Variants in CACNB4 observed in about 807,000 individuals in gnomAD.
CACNB4 encodes the protein voltage-dependent L-type calcium channel subunit beta-4.
In CACNB4, 32 loss-of-function variants were observed where a neutral mutation model predicts 71.2. That is an observed-to-expected ratio of 0.45 (90% confidence interval 0.34 to 0.60). The LOEUF (loss-of-function observed/expected upper bound fraction) is 0.60. Among genes scored for constraint, CACNB4 ranks in the 20% least tolerant of loss-of-function variants. CACNB4 has a pLI of 0.01. For synonymous variants in CACNB4, 231 were observed against 236.9 expected (o/e 0.97, Z 0.23); for missense variants, 464 against 647.9 (o/e 0.72, Z 3.08).
intron 3 of CACNB4, among the ~76,000 whole-genome samples, chr2:151,882,154 C>CA (rs771535290): frequency 1.7e-3 from 159 of 93,362 alleles, no homozygotes; most frequent in Non-Finnish European, 3.8e-3. Flanking sequence ...GCTGGGATTA[C>CA]AGGCGTAAGC....
chr2:152,061,558 A>G (rs930237393), intron 2 of CACNB4, among the ~76,000 whole-genome samples: 4 of 152,092 alleles, frequency 2.6e-5, no homozygotes, highest in Non-Finnish European at 5.9e-5. Context: ...TCAATTTCAT[A>G]GATCTTAAAT....
chr2:152,085,068 T>C (rs151182021), intron 2 of CACNB4, among the ~76,000 whole-genome samples: 38 of 152,272 alleles, frequency 2.5e-4, no homozygotes, highest in African/African-American at 8.7e-4. Flanking sequence ...ACAGAGAATA[T>C]TGAAGACGGA....
chr2:151,971,216 G>C, intron 2 of CACNB4: 1 of 429,492 alleles, frequency 2.3e-6, no homozygotes, highest in Non-Finnish European at 4.3e-6. Context: ...TGCTAACAGT[G>C]TATAATAATG....
intron 2 of CACNB4, among the ~76,000 whole-genome samples, chr2:152,082,641 C>T (rs937172497): frequency 1.3e-5 from 2 of 152,264 alleles, no homozygotes; most frequent in East Asian, 1.9e-4. Flanking sequence ...CCATTCTCAC[C>T]CCCGTTTTGC....
intron 2 of CACNB4, among the ~76,000 whole-genome samples, chr2:151,978,540 C>G (rs766477669): frequency 5.9e-5 from 9 of 152,212 alleles, no homozygotes; most frequent in Non-Finnish European, 4.4e-5. Flanking sequence ...ACTCTACCTT[C>G]CTGTGCCTCC....
intron 2 of CACNB4, among the ~76,000 whole-genome samples, chr2:151,958,459 G>C (rs1319800598): frequency 6.6e-6 from 1 of 152,066 alleles, no homozygotes; most frequent in Non-Finnish European, 1.5e-5. Flanking sequence ...CCTTCAATCC[G>C]GGACCTGGCT....
intron 2 of CACNB4, among the ~76,000 whole-genome samples, chr2:151,980,875 T>C (rs2099874603): frequency 6.6e-6 from 1 of 152,248 alleles, no homozygotes. Context: ...ACATCATTTA[T>C]AGTGCGTTGA....
intron 2 of CACNB4, among the ~76,000 whole-genome samples, chr2:151,912,280 T>C (rs916163381): frequency 6.6e-6 from 1 of 152,226 alleles, no homozygotes; most frequent in African/African-American, 2.4e-5. Context: ...GTGAGATCTT[T>C]CTAGCTTTCT....
In CACNB4 at chr2:151,915,849, A is replaced by C. The variant is rs1192235659; in HGVS notation, c.148-32479T>G. On this transcript the variant is annotated intron_variant, in intron 2 of 13. Coordinates refer to ENST00000539935, the MANE Select transcript of CACNB4 (RefSeq NM_000726.5). ...GCAACAAGAGCGAAGCTCCATCTCAAAAAAAAAAAAAAAAAAAAAAGAATG... is the reference window on the plus strand; with the variant it reads ...GCAACAAGAGCGAAGCTCCATCTCACAAAAAAAAAAAAAAAAAAAAGAATG... Among the ~76,000 whole-genome samples, 32 of 6,236 alleles carry C rather than the reference A, an allele frequency of 5.1e-3. No individual in the cohort carries two copies. The Non-Finnish European group carries it at 0.052, about 10-fold the overall frequency. 4.1% of individuals were successfully genotyped at this position (6,236 alleles called of 152,430 possible).
At chr2:152,055,203 G>T (rs920006884) in intron 2 of CACNB4, among the ~76,000 whole-genome samples, 2 of 152,156 alleles carry the variant, frequency 1.3e-5, no homozygotes, top group Non-Finnish European at 2.9e-5. Flanking sequence ...GTAGAGACAG[G>T]GTTTCACCAT....
At chr2:151,869,326 T>C in intron 8 of CACNB4, 91 bp from the exon 9 acceptor site, 1 of 763,090 alleles carries the variant, frequency 1.3e-6, no homozygotes, top group Non-Finnish European at 2.3e-6. Context: ...GGAAGGGTAC[T>C]ATGAGCCAAG....
chr2:152,064,095 T>C (rs1686165062), intron 2 of CACNB4, among the ~76,000 whole-genome samples: 2 of 152,310 alleles, frequency 1.3e-5, no homozygotes, highest in South Asian at 4.1e-4. Flanking sequence ...GAAGACAGTC[T>C]TCAATATATA....
chr2:151,846,593 C>T (rs527750239), intron 12 of CACNB4, among the ~76,000 whole-genome samples: 1 of 152,110 alleles, frequency 6.6e-6, no homozygotes, highest in Admixed American at 6.5e-5. Context: ...CACTCCAACG[C>T]CCAGGCTGGA....
rs1473093110 is a variant in CACNB4 at position 151,855,171 on chromosome 2, C to T, written c.1020+53G>A. 10 of 1,335,482 alleles carry T rather than the reference C, an allele frequency of 7.5e-6. No homozygotes were observed. In the South Asian group the frequency reaches 1.7e-4, roughly 23 times the overall value. 82.7% of individuals were successfully genotyped at this position (1,335,482 alleles called of 1,614,324 possible). A position where few individuals can be genotyped will look rare whatever the true frequency, so the allele number is the denominator to read the frequency against. ...ACTAACAAAAAACCACAGAGCAAAACACATTTTTAAAAGATGCACTTCTAA... is the reference window on the plus strand; with the variant it reads ...ACTAACAAAAAACCACAGAGCAAAATACATTTTTAAAAGATGCACTTCTAA... On this transcript the variant is annotated intron_variant, in intron 11 of 13. Coordinates refer to ENST00000539935, the MANE Select transcript of CACNB4 (RefSeq NM_000726.5).
chr2:151,963,445 G>A (rs62176762), intron 2 of CACNB4, among the ~76,000 whole-genome samples: 4,400 of 152,114 alleles, frequency 0.029, 66 homozygotes, highest in African/African-American at 0.039. Flanking sequence ...AGGGCATATG[G>A]AACTTCCCAA....
chr2:152,099,159 T>G, upstream of CACNB4: 1 of 525,204 alleles, frequency 1.9e-6, no homozygotes, highest in Non-Finnish European at 3.3e-6. Context: ...TGCCCGCACT[T>G]CGGAGAGCGC....
At chr2:152,061,174 G>A (rs913358220) in intron 2 of CACNB4, among the ~76,000 whole-genome samples, 9 of 152,084 alleles carry the variant, frequency 5.9e-5, no homozygotes, top group Admixed American at 5.2e-4. Context: ...GCTAGGCATG[G>A]TGGCACATGC....
intron 2 of CACNB4, among the ~76,000 whole-genome samples, chr2:152,072,060 G>T (rs1436910174): frequency 6.6e-6 from 1 of 152,362 alleles, no homozygotes; most frequent in Non-Finnish European, 1.5e-5. Flanking sequence ...AAAAATTCTT[G>T]CCTTCCTGAA....
At chr2:152,083,043 T>C (rs1041653605) in intron 2 of CACNB4, among the ~76,000 whole-genome samples, 1 of 152,192 alleles carries the variant, frequency 6.6e-6, no homozygotes, top group African/African-American at 2.4e-5. Flanking sequence ...CGATCCTGCC[T>C]GGGTCCAAAA....
Sources: gnomAD v4.1 joint callset for allele counts (sites outside exome capture counted in the v4.1 genomes callset) on GRCh38, gnomAD v4.1.1 for gene constraint, MANE v1.5 for transcripts, NCBI Gene and HGNC (gene_info 2026-07-23, HGNC 2026-07-21) for gene names.